Variants in NLRP7 observed in about 807,000 individuals in gnomAD.
NLRP7 encodes NLR family pyrin domain containing 7, also known as NACHT, LRR and PYD domains-containing protein 7.
NLRP7 carries 72 observed loss-of-function variants against 85.5 expected under a neutral mutation model. That is an observed-to-expected ratio of 0.84 (90% CI 0.70 to 1.02). The LOEUF (loss-of-function observed/expected upper bound fraction) is 1.02, where lower values mean the gene tolerates loss of function less well. Ranked by LOEUF, NLRP7 falls within the 50% of genes least tolerant of loss-of-function variation. NLRP7 has a pLI of 0.00. For missense variants in NLRP7, 1,243 were observed against 1,219.5 expected, an observed-to-expected ratio of 1.02 and a Z score of -0.29; for synonymous variants, 550 against 505.2, an observed-to-expected ratio of 1.09 and a Z score of -1.19.
upstream of NLRP7, among the ~76,000 whole-genome samples, chr19:54,951,531 A>C (rs1225764251): frequency 6.6e-6 from 1 of 152,032 alleles, no homozygotes; most frequent in Non-Finnish European, 1.5e-5. Flanking sequence ...GCCTGGGTGC[A>C]ACAGAGTGAG....
intron 1 of NLRP7, among the ~76,000 whole-genome samples, chr19:54,957,184 C>G (rs1041628640): frequency 6.0e-5 from 9 of 151,054 alleles, no homozygotes; most frequent in Non-Finnish European, 1.0e-4. Context: ...CCACACCTGG[C>G]TAATTTTTGT....
At chr19:54,946,213 AT>A (rs71181717) in intron 1 of NLRP7, among the ~76,000 whole-genome samples, 2,244 of 127,546 alleles carry the variant, frequency 0.018, 14 homozygotes, top group Non-Finnish European at 0.021. Flanking sequence ...GGCCATTTAC[AT>A]TTTTTTTTTT....
chr19:54,942,255 CA>C (rs576434793), intron 1 of NLRP7, among the ~76,000 whole-genome samples: 1,031 of 59,390 alleles, frequency 0.017, no homozygotes, highest in East Asian at 0.037. Context: ...GACTCCGTCT[CA>C]AAAAAAAAAA....
At chr19:54,946,178 A>G (rs1257463098) in intron 1 of NLRP7, among the ~76,000 whole-genome samples, 2 of 151,146 alleles carry the variant, frequency 1.3e-5, no homozygotes, top group Non-Finnish European at 2.9e-5. Flanking sequence ...AAGTGCTGGG[A>G]TCACAGGCGT....
chr19:54,944,800 A>G (rs1202773343), intron 1 of NLRP7, among the ~76,000 whole-genome samples: 1 of 152,082 alleles, frequency 6.6e-6, no homozygotes, highest in East Asian at 1.9e-4. Flanking sequence ...AATATATACA[A>G]CGTTTACTTG....
exon 4 of NLRP7, chr19:54,939,301 T>C: frequency 6.2e-7 from 1 of 1,614,074 alleles, no homozygotes; most frequent in Non-Finnish European, 8.5e-7. Context: ...GTCTTTCTTC[T>C]CCGGAAAGCA....
chr19:54,935,077 C>T (rs988714100), intron 6 of NLRP7, among the ~76,000 whole-genome samples: 6 of 152,126 alleles, frequency 3.9e-5, no homozygotes, highest in Non-Finnish European at 5.9e-5. Context: ...CAACCCTGGC[C>T]TGAATTACTG....
At chr19:54,926,916 TA>T (rs74177884) in intron 9 of NLRP7, among the ~76,000 whole-genome samples, 2,404 of 26,656 alleles carry the variant, frequency 0.09, 57 homozygotes, top group African/African-American at 0.19. Context: ...ACTCTGTCTT[TA>T]AAAAAAAAAA....
intron 8 of NLRP7, among the ~76,000 whole-genome samples, chr19:54,932,318 C>A (rs985442719): frequency 6.6e-6 from 1 of 151,754 alleles, no homozygotes; most frequent in African/African-American, 2.4e-5. Context: ...ATCCCAGCTA[C>A]TTGGGAGGCT....
At chr19:54,946,016 C>A (rs2069455170) in intron 1 of NLRP7, among the ~76,000 whole-genome samples, 2 of 152,214 alleles carry the variant, frequency 1.3e-5, no homozygotes, top group Middle Eastern at 3.4e-3. Context: ...TGGTCTCGAT[C>A]TTCTGACCTC....
Position 54,938,042 on chromosome 19 carries a change from A to T in NLRP7, c.2129+2T>A. 1 of 1,610,814 alleles carries T rather than the reference A, an allele frequency of 6.2e-7. No individual in the cohort carries two copies. On this transcript the variant is annotated splice_donor_variant, in intron 5 of 9. Transcript: ENST00000340844. LOFTEE classifies it high-confidence loss of function. ...TTCCTTGCAAGATGAGCTTCTACTT[A>T]CTCCACTTTCTGCAGATGACAGGTG...
At chr19:54,943,079 G>A (rs952328717) in intron 1 of NLRP7, among the ~76,000 whole-genome samples, 4 of 152,078 alleles carry the variant, frequency 2.6e-5, no homozygotes, top group South Asian at 2.1e-4. Context: ...CCCAGGAGGC[G>A]GAGGTTGCAG....
upstream of NLRP7, among the ~76,000 whole-genome samples, chr19:54,950,866 C>A (rs1182699921): frequency 6.6e-6 from 1 of 152,228 alleles, no homozygotes; most frequent in Non-Finnish European, 1.5e-5. Context: ...AGGTCTTTCC[C>A]TTCCCATGAG....
At chr19:54,933,476 T>C (rs2068762081) in intron 8 of NLRP7, 93 bp downstream of exon 8, 3 of 1,513,034 alleles carry the variant, frequency 2.0e-6, no homozygotes, top group East Asian at 2.3e-5. Context: ...ACCAGGTTTT[T>C]AAAAGTTACA....
At chr19:54,946,158 C>T (rs1303419366) in intron 1 of NLRP7, among the ~76,000 whole-genome samples, 1 of 151,886 alleles carries the variant, frequency 6.6e-6, no homozygotes, top group Non-Finnish European at 1.5e-5. Context: ...CCACCCGCCT[C>T]GGCCTCCCAA....
In NLRP7 at chr19:54,926,205, G is replaced by GGTGTGTGT. The variant is rs138774910; in HGVS notation, c.2811-2341_2811-2334dup. Among the ~76,000 whole-genome samples the GGTGTGTGT allele has an allele frequency of 8.7e-3, 1,253 of 143,704 alleles. 6 individuals carry two copies. The highest frequency in any genetic ancestry group is 0.012 in the Non-Finnish European group (785 of 65,046). 94.3% of individuals were successfully genotyped at this position (143,704 alleles called of 152,430 possible). ...CCTATTTTTGGATATAATGATTAGGGGTGTGTGTGTGTGTGTGTGTGTGCT... is the reference window on the plus strand; with the variant it reads ...CCTATTTTTGGATATAATGATTAGGGGTGTGTGTGTGTGTGTGTGTGTGTGTGTGTGCT... On this transcript the variant is annotated intron_variant, in intron 9 of 9. Coordinates refer to ENST00000340844, the Ensembl canonical transcript of NLRP7.
upstream of NLRP7, among the ~76,000 whole-genome samples, chr19:54,949,359 T>G (rs11668947): frequency 0.022 from 3,328 of 151,260 alleles, 51 homozygotes; most frequent in Middle Eastern, 0.042. Flanking sequence ...GAGGACTGCC[T>G]GAGTCCAGGA....
chr19:54,925,409 G>A (rs762213599), intron 9 of NLRP7, among the ~76,000 whole-genome samples: 4 of 152,116 alleles, frequency 2.6e-5, no homozygotes, highest in African/African-American at 4.8e-5. Flanking sequence ...ACCTTGAGCA[G>A]GATATAAATA....
chr19:54,923,813 T>C (rs977857007), exon 10 of NLRP7: 2 of 1,613,940 alleles, frequency 1.2e-6, no homozygotes, highest in Non-Finnish European at 1.7e-6. Flanking sequence ...CTTGGGATTC[T>C]TTTCTTTCAC....
Sources: gnomAD v4.1 joint callset for allele counts (sites outside exome capture counted in the v4.1 genomes callset) on GRCh38, gnomAD v4.1.1 for gene constraint, MANE v1.5 for transcripts, NCBI Gene and HGNC (gene_info 2026-07-23, HGNC 2026-07-21) for gene names.